LHFPL3: variants seen among roughly 807,000 people sequenced by gnomAD.
LHFPL3 encodes LHFPL tetraspan subfamily member 3 protein.
Under a neutral mutation model 19.3 loss-of-function variants are expected in LHFPL3, and 5 were observed. The ratio of observed to expected loss-of-function variants is 0.26; its 90% CI spans 0.14 to 0.54. The LOEUF is 0.54. Ranked by LOEUF, LHFPL3 falls within the 20% of genes least tolerant of loss-of-function variation. LHFPL3 has a pLI of 0.94. For missense variants in LHFPL3, 249 were observed against 307.4 expected (o/e 0.81, Z 1.42); for synonymous variants, 133 against 126.2 (o/e 1.05, Z -0.36).
intron 1 of LHFPL3, among the ~76,000 whole-genome samples, chr7:104,495,688 A>C (rs1037300908): frequency 1.3e-5 from 2 of 151,996 alleles, no homozygotes; most frequent in Admixed American, 6.6e-5. Context: ...TGGCCTAAAA[A>C]TTTTTTTGTA....
At chr7:104,686,641 C>T (rs972563453) in intron 1 of LHFPL3, among the ~76,000 whole-genome samples, 4 of 152,126 alleles carry the variant, frequency 2.6e-5, no homozygotes, top group African/African-American at 9.7e-5. Flanking sequence ...GTTGAGGGCT[C>T]AGTCTCACAA....
chr7:104,714,200 G>C (rs1312378707), intron 1 of LHFPL3, among the ~76,000 whole-genome samples: 1 of 152,104 alleles, frequency 6.6e-6, no homozygotes, highest in Non-Finnish European at 1.5e-5. Context: ...CCTGGTTTCT[G>C]TCCTACCCTT....
intron 1 of LHFPL3, among the ~76,000 whole-genome samples, chr7:104,580,560 A>C (rs766979176): frequency 1.6e-4 from 25 of 152,140 alleles, no homozygotes; most frequent in Non-Finnish European, 3.4e-4. Context: ...CCTAGAGTTC[A>C]ATATTTCATT....
intron 1 of LHFPL3, among the ~76,000 whole-genome samples, chr7:104,476,298 T>A (rs1393519008): frequency 2.6e-5 from 4 of 152,202 alleles, no homozygotes; most frequent in Non-Finnish European, 2.9e-5. Flanking sequence ...AATTGGGGAA[T>A]TAGATTTCAG....
At chr7:104,384,941 G>A (rs1411008479) in intron 1 of LHFPL3, among the ~76,000 whole-genome samples, 1 of 152,008 alleles carries the variant, frequency 6.6e-6, no homozygotes, top group Non-Finnish European at 1.5e-5. Context: ...CATTAGAAAG[G>A]TAAGGAGCAA....
chr7:104,832,631 T>TA (rs1191632531), intron 2 of LHFPL3, among the ~76,000 whole-genome samples: 1 of 149,790 alleles, frequency 6.7e-6, no homozygotes, highest in African/African-American at 2.5e-5. Context: ...CTTCTTTTTT[T>TA]TTTTTTTTGA....
chr7:104,643,494 A>G (rs1245281679), intron 1 of LHFPL3, among the ~76,000 whole-genome samples: 1 of 152,188 alleles, frequency 6.6e-6, no homozygotes, highest in African/African-American at 2.4e-5. Flanking sequence ...ATATTTTTGT[A>G]TGGATTTTCT....
chr7:104,404,233 CTTAG>C (rs1268096895), intron 1 of LHFPL3, among the ~76,000 whole-genome samples: 2 of 152,130 alleles, frequency 1.3e-5, no homozygotes, highest in East Asian at 1.9e-4. Context: ...AATGAGACCA[CTTAG>C]TTAATTATTT....
chr7:104,480,853 A>G (rs925791365), intron 1 of LHFPL3, among the ~76,000 whole-genome samples: 1 of 152,228 alleles, frequency 6.6e-6, no homozygotes, highest in South Asian at 2.1e-4. Flanking sequence ...GCTGACCTTT[A>G]AACTAGAGTG....
intron 1 of LHFPL3, among the ~76,000 whole-genome samples, chr7:104,334,329 C>T (rs1045706648): frequency 2.0e-5 from 3 of 152,172 alleles, no homozygotes; most frequent in South Asian, 4.1e-4. Flanking sequence ...GGCAGATCAC[C>T]TGAGGTCAGG....
intron 2 of LHFPL3, among the ~76,000 whole-genome samples, chr7:104,852,832 C>T (rs554182566): frequency 6.6e-6 from 1 of 152,150 alleles, no homozygotes; most frequent in African/African-American, 2.4e-5. Context: ...GGCCAGCTTC[C>T]TGCTGCCTCC....
intron 1 of LHFPL3, among the ~76,000 whole-genome samples, chr7:104,626,866 CA>C (rs1417834586): frequency 6.6e-6 from 1 of 152,092 alleles, no homozygotes; most frequent in Non-Finnish European, 1.5e-5. Flanking sequence ...TTATTTTTCT[CA>C]ATTGATGAAT....
At chr7:104,560,996 G>A (rs2115947190) in intron 1 of LHFPL3, among the ~76,000 whole-genome samples, 1 of 151,264 alleles carries the variant, frequency 6.6e-6, no homozygotes, top group Non-Finnish European at 1.5e-5. Flanking sequence ...GCAGTTTTGA[G>A]TGAGATTCTT....
intron 1 of LHFPL3, among the ~76,000 whole-genome samples, chr7:104,358,217 GTC>G (rs1790321273): frequency 6.6e-6 from 1 of 152,174 alleles, no homozygotes; most frequent in Non-Finnish European, 1.5e-5. Context: ...ATGAAAAAGT[GTC>G]GGAACTGGTA....
intron 1 of LHFPL3, among the ~76,000 whole-genome samples, chr7:104,440,041 G>GT (rs1180976750): frequency 6.8e-6 from 1 of 146,508 alleles, no homozygotes; most frequent in Non-Finnish European, 1.5e-5. Flanking sequence ...AGCCTGGGGG[G>GT]GGGGAGGGAT....
intron 2 of LHFPL3, among the ~76,000 whole-genome samples, chr7:104,874,122 T>C (rs1791888867): frequency 6.6e-6 from 1 of 152,216 alleles, no homozygotes; most frequent in Non-Finnish European, 1.5e-5. Context: ...TGGCAGCTGC[T>C]CTAATCTCAT....
At chr7:104,733,650 C>T (rs996883823) in intron 1 of LHFPL3, among the ~76,000 whole-genome samples, 1 of 152,094 alleles carries the variant, frequency 6.6e-6, no homozygotes, top group Non-Finnish European at 1.5e-5. Context: ...GAATACAGCA[C>T]CTGATGGGTC....
intron 1 of LHFPL3, among the ~76,000 whole-genome samples, chr7:104,618,238 A>G (rs1449094794): frequency 6.6e-6 from 1 of 152,210 alleles, no homozygotes; most frequent in East Asian, 1.9e-4. Context: ...AAGAATAATG[A>G]CATTCTATAA....
intron 1 of LHFPL3, among the ~76,000 whole-genome samples, chr7:104,600,021 G>A (rs1302169892): frequency 6.6e-6 from 1 of 152,190 alleles, no homozygotes. Flanking sequence ...TCCTATGCTA[G>A]AAGCCTCAGA....
Sources: allele counts gnomAD v4.1 joint callset (sites outside exome capture counted in the v4.1 genomes callset), GRCh38; gene constraint gnomAD v4.1.1; transcripts MANE v1.5; gene names NCBI Gene and HGNC (gene_info 2026-07-23, HGNC 2026-07-21).